TLL1: variants seen among roughly 807,000 people sequenced by gnomAD.
TLL1 encodes tolloid-like protein 1.
Under a neutral mutation model 128.2 loss-of-function variants are expected in TLL1, and 49 were observed. That is an observed-to-expected ratio of 0.38 (90% CI 0.30 to 0.48). The LOEUF (loss-of-function observed/expected upper bound fraction) is 0.48, where lower values mean the gene tolerates loss of function less well. TLL1 is among the 20% of genes least tolerant of loss of function. The pLI is 0.96. For synonymous variants in TLL1, 454 were observed against 418.8 expected (o/e 1.08, Z -1.03); for missense variants, 1,123 against 1,242.0 (o/e 0.90, Z 1.44).
At chr4:165,951,722 C>T (rs960074519) in intron 1 of TLL1, among the ~76,000 whole-genome samples, 25 of 152,088 alleles carry the variant, frequency 1.6e-4, no homozygotes, top group Admixed American at 5.9e-4. Flanking sequence ...TCCTGTGGGC[C>T]TGAGTGCTTT....
At chr4:166,088,312 G>T (rs1741614203) in intron 18 of TLL1, among the ~76,000 whole-genome samples, 1 of 152,090 alleles carries the variant, frequency 6.6e-6, no homozygotes, top group African/African-American at 2.4e-5. Context: ...GTAGAATAAA[G>T]TGATAAATGG....
At chr4:165,885,319 A>G (rs760499762) in intron 1 of TLL1, among the ~76,000 whole-genome samples, 42 of 152,034 alleles carry the variant, frequency 2.8e-4, no homozygotes, top group Admixed American at 8.5e-4. Flanking sequence ...CTGACATCAG[A>G]AGCAAGAGCT....
chr4:166,055,566 A>G (rs910046803), intron 13 of TLL1, among the ~76,000 whole-genome samples: 4 of 152,200 alleles, frequency 2.6e-5, no homozygotes, highest in Non-Finnish European at 5.9e-5. Flanking sequence ...CAATGAAAAT[A>G]ACCAACCAAG....
intron 18 of TLL1, among the ~76,000 whole-genome samples, chr4:166,081,531 G>C (rs781633382): frequency 6.6e-6 from 1 of 152,074 alleles, no homozygotes; most frequent in South Asian, 2.1e-4. Flanking sequence ...TGCAGTTTCC[G>C]TTAGTTCTAT....
chr4:166,039,424 G>A lies in TLL1; in HGVS notation c.1244G>A (p.Arg415Lys), dbSNP rs772419393. The A allele has an allele frequency of 6.2e-7, 1 of 1,611,444 alleles. No individual in the cohort carries two copies. The highest frequency in any genetic ancestry group is 2.2e-5 in the East Asian group (1 of 44,706). Residue 415 changes from arginine to lysine, a missense_variant, in exon 10 of 21, where the codon AGA becomes AAA. This residue lies in a region of TLL1 where 480 missense variants were observed against 542.4 expected (regional missense o/e 0.89). Transcript: ENST00000061240. ...ATTGAAGTAAGAGACGGGTACTGGA[G>A]AAAATCACCTCTCCTTGGTAAGATA... The part of the protein sequence containing the change: ...DYIEVRDGYW[R>K]KSPLLGRFCG...
chr4:165,940,071 G>A (rs757272412), intron 1 of TLL1, among the ~76,000 whole-genome samples: 2 of 151,698 alleles, frequency 1.3e-5, no homozygotes, highest in Non-Finnish European at 2.9e-5. Context: ...TCCTTCTTCT[G>A]TCTTTTCATC....
chr4:166,099,362 G>C lies in TLL1; in HGVS notation c.2742G>C (p.Gln914His), dbSNP rs77457105. 145 of 1,613,600 alleles carry C rather than the reference G, an allele frequency of 9.0e-5. No individual in the cohort carries two copies. In the East Asian group the frequency reaches 2.8e-3, roughly 31 times the overall value. The part of the protein sequence containing the change: ...AQFGDNNYPG[Q>H]VDCEWLLVSE... The stretch of plus-strand genomic sequence containing the variant: ...TTGGTGATAACAACTACCCAGGACA[G>C]GTTGACTGTGAATGGCTATTAGTAT... Residue 914 changes from glutamine to histidine, a missense_variant, in exon 20 of 21, where the codon CAG (glutamine) becomes CAC (histidine). Around this residue, in one of 3 missense-constraint regions of TLL1, gnomAD observed 634 missense variants for 672.4 expected, o/e 0.94. Coordinates refer to ENST00000061240, the MANE Select transcript of TLL1 (RefSeq NM_012464.5).
chr4:166,057,342 C>T (rs767863789), intron 14 of TLL1, 33 bp downstream of exon 14: 2 of 1,612,424 alleles, frequency 1.2e-6, no homozygotes, highest in Admixed American at 1.7e-5. Flanking sequence ...ACCCCCACCC[C>T]CCACAATTAT....
intron 12 of TLL1, among the ~76,000 whole-genome samples, chr4:166,050,711 G>T (rs563623823): frequency 1.4e-4 from 21 of 152,270 alleles, no homozygotes; most frequent in Admixed American, 1.2e-3. Flanking sequence ...TTCCTTCAGT[G>T]CCAGAGCTCA....
intron 19 of TLL1, among the ~76,000 whole-genome samples, chr4:166,098,941 T>A (rs1426212411): frequency 6.6e-6 from 1 of 152,100 alleles, no homozygotes; most frequent in Non-Finnish European, 1.5e-5. Flanking sequence ...TAAGTGATTT[T>A]CATGTTTTAA....
chr4:165,898,155 T>C (rs1028235299), intron 1 of TLL1, among the ~76,000 whole-genome samples: 1 of 152,212 alleles, frequency 6.6e-6, no homozygotes, highest in African/African-American at 2.4e-5. Context: ...TTTCTAAATA[T>C]ACAGTCATGT....
chr4:165,936,205 TA>T lies in TLL1; in HGVS notation c.170-53175del, dbSNP rs200070044. 5.6e-3 allele frequency among the ~76,000 whole-genome samples: 771 copies of T among 138,614 alleles called. 10 individuals are homozygous for T. Among genetic ancestry groups the T allele is most frequent in the African/African-American group, 0.02 (684 of 34,038 alleles). 90.9% of individuals were successfully genotyped at this position (138,614 alleles called of 152,430 possible). ...TCATTTTGCTTCATATATATATATA[TA>T]TTTTTTTTTCTTTTTTCTTTTTTTT... is the stretch of plus-strand genomic sequence containing the variant. On this transcript the variant is annotated intron_variant, in intron 1 of 20. Transcript: ENST00000061240.
intron 18 of TLL1, among the ~76,000 whole-genome samples, chr4:166,081,836 A>G: frequency 6.6e-6 from 1 of 151,952 alleles, no homozygotes; most frequent in East Asian, 1.9e-4. Flanking sequence ...GGGAAGTAGA[A>G]CTCCTGATAT....
chr4:166,049,565 T>G (rs1178721638), intron 12 of TLL1, among the ~76,000 whole-genome samples: 1 of 152,038 alleles, frequency 6.6e-6, no homozygotes, highest in African/African-American at 2.4e-5. Context: ...AGTTAAATCA[T>G]TCACATGAAA....
chr4:165,919,199 T>C (rs1401446872), intron 1 of TLL1, among the ~76,000 whole-genome samples: 2 of 151,596 alleles, frequency 1.3e-5, no homozygotes, highest in African/African-American at 2.4e-5. Flanking sequence ...CTGGGCAACA[T>C]AGGGAGACCC....
At chr4:165,979,661 G>A (rs1334615133) in intron 1 of TLL1, among the ~76,000 whole-genome samples, 7 of 152,048 alleles carry the variant, frequency 4.6e-5, no homozygotes, top group Admixed American at 1.3e-4. Flanking sequence ...GGTGCTGTGC[G>A]CCTGTACTCC....
chr4:166,033,574 T>C (rs1397243835), intron 9 of TLL1, among the ~76,000 whole-genome samples: 1 of 152,172 alleles, frequency 6.6e-6, no homozygotes, highest in Non-Finnish European at 1.5e-5. Context: ...TGTAGGACAA[T>C]GATGTGAATG....
chr4:165,905,210 T>C (rs73860881), intron 1 of TLL1, among the ~76,000 whole-genome samples: 1,808 of 152,292 alleles, frequency 0.012, 33 homozygotes, highest in African/African-American at 0.041. Context: ...TTCGTATACA[T>C]TTACCAAAGA....
At chr4:165,930,967 C>A (rs887843785) in intron 1 of TLL1, among the ~76,000 whole-genome samples, 1 of 152,132 alleles carries the variant, frequency 6.6e-6, no homozygotes, top group African/African-American at 2.4e-5. Context: ...ATAGCAAATG[C>A]TTCTAAAGTG....
Sources: gnomAD v4.1 joint callset for allele counts (sites outside exome capture counted in the v4.1 genomes callset) on GRCh38, gnomAD v4.1.1 for gene constraint, gnomAD v4.1.1 regional missense constraint, MANE v1.5 for transcripts, NCBI Gene and HGNC (gene_info 2026-07-23, HGNC 2026-07-21) for gene names.